The following PRKN variants were observed in gnomAD, a reference collection of about 807,000 sequenced individuals.
The protein encoded by PRKN is parkin RBR E3 ubiquitin protein ligase, also known as E3 ubiquitin-protein ligase parkin.
A neutral mutation model predicts 59.5 loss-of-function variants in PRKN; 56 were observed. That is an observed-to-expected ratio of 0.94 (90% CI 0.76 to 1.18). The LOEUF (loss-of-function observed/expected upper bound fraction) is 1.18. Ranked by LOEUF, PRKN falls within the 50% of genes most tolerant of loss-of-function variation. The pLI is 0.00. For missense variants in PRKN, 657 were observed against 596.4 expected (o/e 1.10, Z -1.06); for synonymous variants, 250 against 222.1 (o/e 1.13, Z -1.12).
intron 1 of PRKN, among the ~76,000 whole-genome samples, chr6:162,661,942 C>A (rs1490883230): frequency 1.3e-5 from 2 of 152,224 alleles, no homozygotes; most frequent in East Asian, 1.9e-4. Flanking sequence ...GACCACTGTA[C>A]CCAGTAGGTT....
At chr6:161,822,937 TATTA>T (rs1231874028) in intron 6 of PRKN, among the ~76,000 whole-genome samples, 1 of 152,144 alleles carries the variant, frequency 6.6e-6, no homozygotes, top group African/African-American at 2.4e-5. Flanking sequence ...CTGGTTTACT[TATTA>T]ATTATTTATT....
At position 161,396,816 on chromosome 6, in the gene PRKN, C is replaced by T. The variant is rs1256066298; in HGVS notation, c.1084-9939G>A. Among the ~76,000 whole-genome samples the T allele has an allele frequency of 4.6e-5, 7 of 152,154 alleles. No homozygotes were observed. Among genetic ancestry groups the T allele is most frequent in the East Asian group, 3.9e-4 (2 of 5,190 alleles). The stretch of plus-strand genomic sequence containing the variant: ...AATGCTTTCCCTGAATACCTGGGCC[C>T]GCCCTGGGCAACTTGGGGCAAGGCC... On this transcript the variant is annotated intron_variant, in intron 9 of 11. Transcript: ENST00000366898. This position sits in a 1 kb window ranked among gnomAD's most constrained non-coding sequence, Gnocchi z 5.4.
intron 4 of PRKN, among the ~76,000 whole-genome samples, chr6:162,062,239 T>A (rs1453636652): frequency 6.6e-6 from 1 of 152,196 alleles, no homozygotes; most frequent in Non-Finnish European, 1.5e-5. Context: ...CACTCAAGAA[T>A]AAGCAGTGTC....
chr6:161,545,067 G>A lies in PRKN; in HGVS notation c.1083+3787C>T. The stretch of plus-strand genomic sequence containing the variant: ...CTCTGGAGCCCAGAGCTCAACACAT[G>A]GGTGTCTAGCTCCGAACAATTTTAA... On this transcript the variant is annotated intron_variant, in intron 9 of 11. Coordinates refer to ENST00000366898, the MANE Select transcript of PRKN (RefSeq NM_004562.3). The surrounding 1 kb of genome is among the most constrained non-coding windows in gnomAD (Gnocchi z 4.1). 1 of 815,952 alleles carries A rather than the reference G, an allele frequency of 1.2e-6. No individual in the cohort carries two copies. Among genetic ancestry groups the A allele is most frequent in the Non-Finnish European group, 1.6e-6 (1 of 628,892 alleles). The allele number at this position is 815,952 out of a possible 1,614,324, so 50.5% of individuals were successfully genotyped here.
At chr6:162,262,262 T>C (rs573390530) in intron 3 of PRKN, among the ~76,000 whole-genome samples, 2 of 152,286 alleles carry the variant, frequency 1.3e-5, no homozygotes, top group East Asian at 1.9e-4. Flanking sequence ...TTCTGCTTTT[T>C]AGAATTTTTC....
chr6:161,937,540 T>C (rs1464888570), intron 6 of PRKN, among the ~76,000 whole-genome samples: 1 of 152,170 alleles, frequency 6.6e-6, no homozygotes, highest in Non-Finnish European at 1.5e-5. Flanking sequence ...TTTCAGAGAT[T>C]TTTGGAAAAG....
intron 2 of PRKN, among the ~76,000 whole-genome samples, chr6:162,277,724 G>A (rs1352158683): frequency 2.6e-5 from 4 of 152,076 alleles, no homozygotes; most frequent in Admixed American, 6.6e-5. Context: ...GCAAATTAAC[G>A]CAAGATACCA....
intron 1 of PRKN, chr6:162,568,323 C>T: frequency 3.1e-6 from 1 of 320,812 alleles, no homozygotes; most frequent in Admixed American, 4.1e-5. Flanking sequence ...AGCTTCTCTG[C>T]TCCTTCTGGA....
chr6:161,990,202 T>C (rs1781592038), intron 5 of PRKN, among the ~76,000 whole-genome samples: 1 of 152,164 alleles, frequency 6.6e-6, no homozygotes, highest in African/African-American at 2.4e-5. Flanking sequence ...TTGGTGTCCC[T>C]GTCCCCACAA....
At chr6:161,933,150 C>T (rs1779228794) in intron 6 of PRKN, among the ~76,000 whole-genome samples, 1 of 152,016 alleles carries the variant, frequency 6.6e-6, no homozygotes, top group African/African-American at 2.4e-5. Context: ...TGTGGTGATG[C>T]ACATCTGTAA....
intron 6 of PRKN, among the ~76,000 whole-genome samples, chr6:161,868,442 A>C (rs1239773515): frequency 2.0e-5 from 3 of 151,938 alleles, no homozygotes; most frequent in Non-Finnish European, 4.4e-5. Context: ...TTAGCTGGGC[A>C]TGGTGGTGCA....
At position 161,445,176 on chromosome 6, in the gene PRKN, C is replaced by T. The variant is rs577155666; in HGVS notation, c.1084-58299G>A. On this transcript the variant is annotated intron_variant, in intron 9 of 11. Coordinates refer to ENST00000366898, the MANE Select transcript of PRKN (RefSeq NM_004562.3). This position sits in a 1 kb window ranked among gnomAD's most constrained non-coding sequence, Gnocchi z 7.7. ...CGGCGCTGACACAGCTCCCCCTGCA[C>T]GAGTGTACAGCAGTCAGACAGGAAC... is the stretch of plus-strand genomic sequence containing the variant. Among the ~76,000 whole-genome samples, 28 of 152,246 alleles carry T rather than the reference C, an allele frequency of 1.8e-4. 1 individual carries two copies. The South Asian group carries it at 5.6e-3, about 30-fold the overall frequency.
chr6:162,322,890 C>G (rs1783091286), intron 2 of PRKN, among the ~76,000 whole-genome samples: 1 of 151,770 alleles, frequency 6.6e-6, no homozygotes, highest in South Asian at 2.1e-4. Context: ...ACTATGCAGC[C>G]ATAAAAAATG....
Position 161,397,133 on chromosome 6 carries a change from C to T in PRKN, c.1084-10256G>A, listed in dbSNP as rs1583017006. On this transcript the variant is annotated intron_variant, in intron 9 of 11. Coordinates refer to ENST00000366898, the MANE Select transcript of PRKN (RefSeq NM_004562.3). The surrounding 1 kb of genome is among the most constrained non-coding windows in gnomAD (Gnocchi z 4.2). Reference sequence around the variant, plus strand: ...TTCACCCTCTATATGAAACTGTCTCCACCTATCTCCTCTTCTAAAGGGATA... The same window carrying T: ...TTCACCCTCTATATGAAACTGTCTCTACCTATCTCCTCTTCTAAAGGGATA... Among the ~76,000 whole-genome samples the T allele has an allele frequency of 6.6e-6, 1 of 152,150 alleles. No homozygotes were observed. The highest frequency in any genetic ancestry group is 1.5e-5 in the Non-Finnish European group (1 of 68,030).
chr6:162,131,865 A>G (rs1174082838), intron 4 of PRKN, among the ~76,000 whole-genome samples: 1 of 152,224 alleles, frequency 6.6e-6, no homozygotes, highest in Non-Finnish European at 1.5e-5. Flanking sequence ...AGAGTCTACA[A>G]TCTATAGGAT....
intron 6 of PRKN, among the ~76,000 whole-genome samples, chr6:161,867,751 T>TTATGTATTTATTTATG (rs1450984952): frequency 7.1e-6 from 1 of 141,218 alleles, no homozygotes; most frequent in African/African-American, 3.0e-5. Flanking sequence ...ATTTATTTAT[T>TTATGTATTTATTTATG]TATTTATTTA....
rs1016875677 is a variant in PRKN, at chr6:161,779,579, G to C, written c.871+6193C>G. Reference sequence around the variant, plus strand: ...CCTGTCTCAGCCTCCCCAGTAGCTGGGATTATAGGCATGTGCCACCACACC... The same window carrying C: ...CCTGTCTCAGCCTCCCCAGTAGCTGCGATTATAGGCATGTGCCACCACACC... On this transcript the variant is annotated intron_variant, in intron 7 of 11. Transcript: ENST00000366898. Among the ~76,000 whole-genome samples, 9 of 148,876 alleles carry C rather than the reference G, an allele frequency of 6.0e-5. 1 individual carries two copies. In the Admixed American group the frequency reaches 6.1e-4, roughly 10 times the overall value.
intron 3 of PRKN, among the ~76,000 whole-genome samples, chr6:162,244,379 G>GA (rs559630390): frequency 3.9e-4 from 58 of 149,406 alleles, no homozygotes; most frequent in Admixed American, 2.7e-3. Context: ...ATTTGACAGG[G>GA]AAAAAAAAAG....
At chr6:161,796,636 T>C (rs942326060) in intron 6 of PRKN, among the ~76,000 whole-genome samples, 3 of 152,222 alleles carry the variant, frequency 2.0e-5, no homozygotes, top group Admixed American at 6.5e-5. Context: ...AATGGAGTTA[T>C]GTTTTTTCAA....
Sources: gnomAD v4.1 joint callset for allele counts (sites outside exome capture counted in the v4.1 genomes callset) on GRCh38, gnomAD v4.1.1 for gene constraint, Gnocchi (gnomAD v3.1) non-coding constraint, MANE v1.5 for transcripts, NCBI Gene and HGNC (gene_info 2026-07-23, HGNC 2026-07-21) for gene names.